TEC: variants seen among roughly 807,000 people sequenced by gnomAD.
TEC encodes tec protein tyrosine kinase, also known as tyrosine-protein kinase Tec.
TEC carries 72 observed loss-of-function variants against 93.0 expected under a neutral mutation model. The observed-to-expected ratio is 0.77, with a 90% CI of 0.64 to 0.94. The LOEUF (loss-of-function observed/expected upper bound fraction) is 0.94. Ranked by LOEUF, TEC falls within the 40% of genes least tolerant of loss-of-function variation. The pLI, the probability that TEC is intolerant of heterozygous loss-of-function variation, is 0.00. For synonymous variants in TEC, 249 were observed against 247.7 expected, an observed-to-expected ratio of 1.01 and a Z score of -0.05; for missense variants, 630 against 757.9, an observed-to-expected ratio of 0.83 and a Z score of 1.98.
intron 1 of TEC, among the ~76,000 whole-genome samples, chr4:48,253,472 A>C (rs939971033): frequency 6.6e-6 from 1 of 151,970 alleles, no homozygotes; most frequent in Admixed American, 6.6e-5. Flanking sequence ...TTACAAGATC[A>C]TCCTGCCCCT....
chr4:48,159,485 T>G (rs1262780793), intron 8 of TEC, among the ~76,000 whole-genome samples: 1 of 151,838 alleles, frequency 6.6e-6, no homozygotes, highest in Non-Finnish European at 1.5e-5. Context: ...CTCCACCTCC[T>G]GGGTTTAAGT....
At chr4:48,168,155 C>T (rs1225971266) in intron 6 of TEC, among the ~76,000 whole-genome samples, 1 of 152,124 alleles carries the variant, frequency 6.6e-6, no homozygotes, top group Non-Finnish European at 1.5e-5. Context: ...TTAACCCACT[C>T]AAAGTCACTC....
chr4:48,254,319 T>G (rs1461827639), intron 1 of TEC, among the ~76,000 whole-genome samples: 1 of 151,492 alleles, frequency 6.6e-6, no homozygotes, highest in East Asian at 1.9e-4. Flanking sequence ...GACAAAGGGG[T>G]TTTGCAGGAA....
chr4:48,205,244 A>C (rs1333274572), intron 2 of TEC, among the ~76,000 whole-genome samples: 1 of 152,204 alleles, frequency 6.6e-6, no homozygotes. Context: ...CCTGGCCTGC[A>C]TAATAGCAGG....
intron 1 of TEC, among the ~76,000 whole-genome samples, chr4:48,240,415 A>G (rs1723895341): frequency 6.6e-6 from 1 of 152,128 alleles, no homozygotes; most frequent in Non-Finnish European, 1.5e-5. Context: ...CACCTTCCCC[A>G]AGGACCATTA....
intron 8 of TEC, among the ~76,000 whole-genome samples, chr4:48,163,407 T>C (rs965915827): frequency 6.6e-6 from 1 of 152,250 alleles, no homozygotes. Context: ...TGAATGGACA[T>C]GATCTGTATT....
At chr4:48,145,738 C>G (rs972581362) in intron 12 of TEC, among the ~76,000 whole-genome samples, 159 bp from the exon 13 acceptor site, 1 of 152,216 alleles carries the variant, frequency 6.6e-6, no homozygotes, top group African/African-American at 2.4e-5. Flanking sequence ...AAACCTGCAT[C>G]TGAACTGCCA....
At chr4:48,178,651 T>G (rs1041525244) in intron 2 of TEC, among the ~76,000 whole-genome samples, 2 of 152,124 alleles carry the variant, frequency 1.3e-5, no homozygotes, top group Non-Finnish European at 2.9e-5. Context: ...TGGAGCCAAG[T>G]CCCACCATGG....
chr4:48,182,465 C>G (rs1161053867), intron 2 of TEC, among the ~76,000 whole-genome samples: 1 of 151,746 alleles, frequency 6.6e-6, no homozygotes, highest in African/African-American at 2.4e-5. Context: ...CTAAGAAGAC[C>G]ACCTGACACT....
intron 2 of TEC, among the ~76,000 whole-genome samples, chr4:48,200,901 C>T (rs1722482817): frequency 6.6e-6 from 1 of 152,194 alleles, no homozygotes; most frequent in Admixed American, 6.5e-5. Context: ...CATAGCAGTT[C>T]TAGACAGCCC....
chr4:48,248,867 T>G (rs1174159528), intron 1 of TEC, among the ~76,000 whole-genome samples: 1 of 8,822 alleles, frequency 1.1e-4, no homozygotes, highest in Non-Finnish European at 1.7e-4. Context: ...CTCCTCTTTC[T>G]TTTTTTTTTT....
At position 48,168,629 on chromosome 4, in the gene TEC, GA is replaced by G; in HGVS notation, c.455-4del. The stretch of plus-strand genomic sequence containing the variant: ...TGGAGGTAGTGCTTTTCTTATACCT[GA>G]AAATGCCAACAACAAAAACAGATTA... On this transcript the variant is annotated splice_polypyrimidine_tract_variant and splice_region_variant and intron_variant, in intron 5 of 17. Transcript: ENST00000381501. 1 of 1,600,300 alleles carries G rather than the reference GA, an allele frequency of 6.2e-7. No individual in the cohort carries two copies. The highest frequency in any genetic ancestry group is 1.4e-5 in the African/African-American group (1 of 73,928).
intron 2 of TEC, among the ~76,000 whole-genome samples, chr4:48,207,972 C>A (rs1722772165): frequency 6.6e-6 from 1 of 152,086 alleles, no homozygotes; most frequent in Admixed American, 6.6e-5. Context: ...AGAAAGAAGA[C>A]CAAGGCAAAC....
At chr4:48,161,547 T>C (rs891527254) in intron 8 of TEC, among the ~76,000 whole-genome samples, 1 of 150,906 alleles carries the variant, frequency 6.6e-6, no homozygotes, top group African/African-American at 2.4e-5. Flanking sequence ...TGGCCTGGGA[T>C]TCCTCCTGGG....
intron 2 of TEC, among the ~76,000 whole-genome samples, chr4:48,177,531 G>C (rs1457407005): frequency 6.6e-6 from 1 of 152,088 alleles, no homozygotes; most frequent in East Asian, 1.9e-4. Flanking sequence ...GTCACCACAG[G>C]ACTTCCACAC....
chr4:48,238,493 G>C (rs775605569), intron 1 of TEC, among the ~76,000 whole-genome samples: 1 of 151,928 alleles, frequency 6.6e-6, no homozygotes, highest in African/African-American at 2.4e-5. Context: ...TTGAAAGGCC[G>C]GCTGATTTCT....
At chr4:48,173,583 G>A (rs984160888) in intron 3 of TEC, among the ~76,000 whole-genome samples, 2 of 152,182 alleles carry the variant, frequency 1.3e-5, no homozygotes, top group African/African-American at 4.8e-5. Context: ...AGGCTGTTGG[G>A]AGGGAAGAGC....
intron 1 of TEC, among the ~76,000 whole-genome samples, chr4:48,245,265 C>T (rs913090792): frequency 6.6e-6 from 1 of 150,486 alleles, no homozygotes; most frequent in African/African-American, 2.5e-5. Flanking sequence ...GGCACTGCAG[C>T]CTGGCAACAC....
intron 2 of TEC, among the ~76,000 whole-genome samples, chr4:48,178,973 G>A (rs1429183994): frequency 1.3e-5 from 2 of 152,024 alleles, no homozygotes. Flanking sequence ...CAAACCAAAC[G>A]GTCTTCTCTG....
Sources: allele counts gnomAD v4.1 joint callset (sites outside exome capture counted in the v4.1 genomes callset), GRCh38; gene constraint gnomAD v4.1.1; transcripts MANE v1.5; gene names NCBI Gene and HGNC (gene_info 2026-07-23, HGNC 2026-07-21).